The following SLC39A11 variants were observed in gnomAD, a reference collection of about 807,000 sequenced individuals.
The protein encoded by SLC39A11 is zinc transporter ZIP11.
In SLC39A11, 33 loss-of-function variants were observed where a neutral mutation model predicts 36.1. The ratio of observed to expected loss-of-function variants is 0.91; its 90% confidence interval spans 0.69 to 1.22. The LOEUF (loss-of-function observed/expected upper bound fraction) is 1.22, where lower values mean the gene tolerates loss of function less well. SLC39A11 is among the 50% of genes most tolerant of loss of function. The pLI, the probability that SLC39A11 is intolerant of heterozygous loss-of-function variation, is 0.00. For synonymous variants in SLC39A11, 166 were observed against 170.3 expected (o/e 0.97, Z 0.20); for missense variants, 432 against 430.3 (o/e 1.00, Z -0.03).
chr17:72,907,927 G>A (rs1432969006), intron 5 of SLC39A11, among the ~76,000 whole-genome samples: 3 of 152,208 alleles, frequency 2.0e-5, no homozygotes, highest in South Asian at 2.1e-4. Flanking sequence ...CTGGACGTGG[G>A]AAGGGGTAGA....
intron 5 of SLC39A11, among the ~76,000 whole-genome samples, chr17:72,944,441 G>A (rs2085298370): frequency 6.6e-6 from 1 of 152,202 alleles, no homozygotes; most frequent in African/African-American, 2.4e-5. Context: ...GGGGACAACT[G>A]AGACAGAGAA....
intron 4 of SLC39A11, among the ~76,000 whole-genome samples, chr17:72,966,731 A>G (rs1264721718): frequency 6.6e-5 from 10 of 151,972 alleles, no homozygotes; most frequent in South Asian, 2.1e-4. Flanking sequence ...CACCACGCCC[A>G]GCTAATTTTT....
chr17:72,988,305 AC>A (rs1172745330), intron 4 of SLC39A11, among the ~76,000 whole-genome samples: 1 of 152,094 alleles, frequency 6.6e-6, no homozygotes, highest in African/African-American at 2.4e-5. Flanking sequence ...ACACACACAC[AC>A]ACAAATTGGC....
chr17:72,766,363 C>T (rs2075759822), intron 6 of SLC39A11, among the ~76,000 whole-genome samples: 1 of 152,156 alleles, frequency 6.6e-6, no homozygotes, highest in Admixed American at 6.5e-5. Context: ...GTCAACAGGA[C>T]CTTTTAAAAA....
intron 3 of SLC39A11, among the ~76,000 whole-genome samples, chr17:73,076,039 T>C (rs550117348): frequency 5.5e-4 from 84 of 152,296 alleles, no homozygotes; most frequent in African/African-American, 1.9e-3. Context: ...CAATAAATAT[T>C]AGGTATTCTA....
intron 4 of SLC39A11, among the ~76,000 whole-genome samples, chr17:72,998,889 A>G (rs1343469233): frequency 6.6e-6 from 1 of 152,220 alleles, no homozygotes; most frequent in African/African-American, 2.4e-5. Flanking sequence ...CCGCAGCCAC[A>G]GAGGTGGGGT....
intron 6 of SLC39A11, among the ~76,000 whole-genome samples, chr17:72,770,990 TAA>T (rs2075913435): frequency 1.3e-5 from 2 of 152,076 alleles, no homozygotes; most frequent in East Asian, 3.9e-4. Context: ...TAATGAATCT[TAA>T]TGATGTTAAA....
chr17:72,789,640 A>C (rs2076636592), intron 6 of SLC39A11, among the ~76,000 whole-genome samples: 1 of 152,218 alleles, frequency 6.6e-6, no homozygotes, highest in Non-Finnish European at 1.5e-5. Flanking sequence ...TTGGAAACAT[A>C]GAACAACAAC....
chr17:72,991,241 T>C (rs1028588781), intron 4 of SLC39A11, among the ~76,000 whole-genome samples: 17 of 152,244 alleles, frequency 1.1e-4, no homozygotes, highest in Non-Finnish European at 1.0e-4. Flanking sequence ...ACCATGCTAA[T>C]ATATTTTTAT....
intron 5 of SLC39A11, among the ~76,000 whole-genome samples, chr17:72,858,888 C>A (rs891677589): frequency 6.6e-6 from 1 of 152,174 alleles, no homozygotes; most frequent in African/African-American, 2.4e-5. Context: ...GCTAAAGAAG[C>A]TTTTAGGCCA....
At chr17:72,796,297 A>G (rs983355824) in intron 6 of SLC39A11, among the ~76,000 whole-genome samples, 2 of 152,166 alleles carry the variant, frequency 1.3e-5, no homozygotes, top group South Asian at 4.1e-4. Flanking sequence ...TGGTAGCGAC[A>G]GGCTTCAAAT....
At chr17:72,751,480 T>C (rs1017517104) in intron 6 of SLC39A11, among the ~76,000 whole-genome samples, 2 of 152,214 alleles carry the variant, frequency 1.3e-5, no homozygotes, top group African/African-American at 2.4e-5. Context: ...TGTGAATGAA[T>C]AACATGTAAT....
intron 4 of SLC39A11, among the ~76,000 whole-genome samples, chr17:72,949,182 CAG>C (rs1356751820): frequency 2.9e-5 from 1 of 34,812 alleles, no homozygotes; most frequent in Non-Finnish European, 7.3e-5. Flanking sequence ...TTTTTTGAGA[CAG>C]AGTTTCACTC....
At position 72,849,794 on chromosome 17, in the gene SLC39A11, C is replaced by A; in HGVS notation, c.441G>T (p.Glu147Asp). The A allele has an allele frequency of 6.5e-7, 1 of 1,537,854 alleles. No individual in the cohort carries two copies. The highest frequency in any genetic ancestry group is 8.7e-7 in the Non-Finnish European group (1 of 1,152,148). Residue 147 changes from glutamate to aspartate, a missense_variant, in exon 6 of 10, where the codon GAG (glutamate) becomes GAT (aspartate). Glu to Asp is a conservative substitution (Grantham distance 45). Coordinates refer to ENST00000255559, the MANE Select transcript of SLC39A11 (RefSeq NM_139177.4). ...SELSIRIDKS[E>D]NGEAYQRKKA... ...TCTTTCTCTGATATGCCTCACCATT[C>A]TCACTCTTGTCTGAGCAAAAAAAAA... is the stretch of plus-strand genomic sequence containing the variant.
At chr17:72,662,946 A>C (rs2070543600) in intron 7 of SLC39A11, among the ~76,000 whole-genome samples, 1 of 152,228 alleles carries the variant, frequency 6.6e-6, no homozygotes, top group Admixed American at 6.5e-5. Flanking sequence ...GAATGAGTAA[A>C]ATAAACTCAT....
At chr17:72,930,889 G>A (rs572828630) in intron 5 of SLC39A11, among the ~76,000 whole-genome samples, 1 of 152,294 alleles carries the variant, frequency 6.6e-6, no homozygotes, top group East Asian at 1.9e-4. Context: ...AGAGAGGGAA[G>A]GACCCCAGGG....
chr17:72,975,593 T>C (rs1224177426), intron 4 of SLC39A11, among the ~76,000 whole-genome samples: 1 of 152,224 alleles, frequency 6.6e-6, no homozygotes, highest in Non-Finnish European at 1.5e-5. Flanking sequence ...TGCCTTGACC[T>C]TGGACTTCCC....
chr17:73,067,887 T>C, intron 3 of SLC39A11: 1 of 1,607,838 alleles, frequency 6.2e-7, no homozygotes, highest in Non-Finnish European at 8.5e-7. Context: ...GCCTGAGACT[T>C]GCAGTAATGT....
In SLC39A11 at chr17:73,037,693, T is replaced by C. The variant is rs185492717; in HGVS notation, c.148-5979A>G. Among the ~76,000 whole-genome samples the C allele has an allele frequency of 5.3e-5, 8 of 152,352 alleles. No individual in the cohort carries two copies. In the East Asian group the frequency reaches 1.2e-3, roughly 22 times the overall value. On this transcript the variant is annotated intron_variant, in intron 3 of 9. Transcript: ENST00000255559. Reference sequence around the variant, plus strand: ...TCTTCCTTTTCCTCACCTTTGTCTATAAAAGGAATCCATAATCAGCTTCAA... The same window carrying C: ...TCTTCCTTTTCCTCACCTTTGTCTACAAAAGGAATCCATAATCAGCTTCAA...
Sources: allele counts gnomAD v4.1 joint callset (sites outside exome capture counted in the v4.1 genomes callset), GRCh38; gene constraint gnomAD v4.1.1; transcripts MANE v1.5; gene names NCBI Gene and HGNC (gene_info 2026-07-23, HGNC 2026-07-21).